Variants in SLC5A11 observed in about 807,000 individuals in gnomAD.
The protein encoded by SLC5A11 is solute carrier family 5 member 11.
Under a neutral mutation model 69.8 loss-of-function variants are expected in SLC5A11, and 48 were observed. The observed-to-expected ratio is 0.69, with a 90% CI of 0.55 to 0.87. SLC5A11 has a LOEUF of 0.87. Among genes scored for constraint, SLC5A11 ranks in the 40% least tolerant of loss-of-function variants. The pLI is 0.00. For missense variants in SLC5A11, 784 were observed against 866.1 expected, an observed-to-expected ratio of 0.91 and a Z score of 1.19; for synonymous variants, 319 against 342.4, an observed-to-expected ratio of 0.93 and a Z score of 0.75.
chr16:24,886,340 A>C (rs1192269002), intron 8 of SLC5A11, among the ~76,000 whole-genome samples: 2 of 152,136 alleles, frequency 1.3e-5, no homozygotes, highest in African/African-American at 2.4e-5. Context: ...GCTGAAAACA[A>C]ACAGGAGTTC....
rs374494935 is a variant in SLC5A11 at position 24,850,032 on chromosome 16, G to A, written c.-25+3594G>A. Among the ~76,000 whole-genome samples, 97 of 152,012 alleles carry A rather than the reference G, an allele frequency of 6.4e-4. 2 individuals are homozygous for A. The East Asian group carries it at 0.016, about 25-fold the overall frequency. On this transcript the variant is annotated intron_variant, in intron 1 of 15. Coordinates refer to ENST00000347898, the Ensembl canonical transcript of SLC5A11. ...AGCTCACTACATCCTCAACCTCTTG[G>A]GCTTAAACAATCCTTCTGCCTCAGC...
chr16:24,881,859 A>G (rs2048068385), intron 7 of SLC5A11, among the ~76,000 whole-genome samples: 2 of 152,140 alleles, frequency 1.3e-5, no homozygotes, highest in African/African-American at 2.4e-5. Context: ...TAAGAGTGGG[A>G]TTGGAGAAAA....
chr16:24,877,033 A>G (rs1041533742), intron 6 of SLC5A11: 2 of 1,346,172 alleles, frequency 1.5e-6, no homozygotes, highest in Non-Finnish European at 1.9e-6. Context: ...CAAAAGCAGA[A>G]GCAGGAAGAC....
exon 14 of SLC5A11, chr16:24,909,003 T>C: frequency 6.2e-7 from 1 of 1,614,130 alleles, no homozygotes; most frequent in Non-Finnish European, 8.5e-7. Context: ...TGAAGAGCAT[T>C]CACTACCTCT....
chr16:24,868,028 T>G (rs2047021592), intron 3 of SLC5A11, among the ~76,000 whole-genome samples: 1 of 151,212 alleles, frequency 6.6e-6, no homozygotes, highest in Admixed American at 6.6e-5. Flanking sequence ...TCCCGGCTAC[T>G]CAGGAGGCTG....
intron 1 of SLC5A11, among the ~76,000 whole-genome samples, chr16:24,857,018 C>T (rs1034311136): frequency 1.8e-4 from 27 of 152,106 alleles, no homozygotes; most frequent in Non-Finnish European, 5.9e-5. Context: ...ACGGGGTCCA[C>T]CACGTTGCCC....
At chr16:24,896,942 C>CTTTTTTT (rs869210839) in intron 9 of SLC5A11, among the ~76,000 whole-genome samples, 2 of 97,092 alleles carry the variant, frequency 2.1e-5, no homozygotes, top group African/African-American at 5.0e-5. Context: ...AACCTCCTTC[C>CTTTTTTT]TTTTTTTTTT....
intron 9 of SLC5A11, among the ~76,000 whole-genome samples, chr16:24,893,137 A>T (rs1052605243): frequency 7.8e-6 from 1 of 127,804 alleles, no homozygotes; most frequent in Admixed American, 8.2e-5. Flanking sequence ...AAAAAAAAAA[A>T]AAAAGCCAGG....
intron 8 of SLC5A11, among the ~76,000 whole-genome samples, chr16:24,885,564 C>G (rs2152346026): frequency 6.9e-6 from 1 of 144,684 alleles, no homozygotes; most frequent in African/African-American, 2.6e-5. Context: ...GGGAGGATGG[C>G]TTGAGCCTGG....
chr16:24,851,501 C>T (rs1462497865), intron 1 of SLC5A11, among the ~76,000 whole-genome samples: 1 of 152,020 alleles, frequency 6.6e-6, no homozygotes, highest in Non-Finnish European at 1.5e-5. Context: ...GCCAAGATTG[C>T]ACCACTGCAC....
intron 10 of SLC5A11, 34 bp downstream of exon 11, chr16:24,898,143 A>G (rs1484387413): frequency 1.9e-6 from 3 of 1,609,486 alleles, no homozygotes; most frequent in East Asian, 4.5e-5. Context: ...GGTCATTGGT[A>G]TGTGAGTCTC....
intron 9 of SLC5A11, among the ~76,000 whole-genome samples, chr16:24,893,980 C>T (rs144764095): frequency 9.8e-5 from 15 of 152,312 alleles, no homozygotes; most frequent in African/African-American, 3.4e-4. Context: ...TCTCTGGTTT[C>T]ATCTAACAAT....
At chr16:24,854,969 GTGTGTT>G in intron 1 of SLC5A11, among the ~76,000 whole-genome samples, 1 of 152,036 alleles carries the variant, frequency 6.6e-6, no homozygotes. Context: ...GTGTGTGTGT[GTGTGTT>G]TGTTTGTTTG....
rs1019450644 is a variant in SLC5A11, at chr16:24,900,127, C to T, written c.1006+2018C>T. On this transcript the variant is annotated intron_variant, in intron 10 of 15. Transcript: ENST00000347898. ...GGGGATAAATGATACCGAGGAGGGGCAATGTCACCAGAAGACACTGTGGTG... is the reference window on the plus strand; with the variant it reads ...GGGGATAAATGATACCGAGGAGGGGTAATGTCACCAGAAGACACTGTGGTG... 3.3e-5 allele frequency among the ~76,000 whole-genome samples: 5 copies of T among 152,140 alleles called. No individual in the cohort carries two copies. The South Asian group carries it at 1.0e-3, about 32-fold the overall frequency.
rs148469912 is a variant in SLC5A11, at chr16:24,904,853, T to A, written c.1007-1804T>A. On this transcript the variant is annotated intron_variant, in intron 10 of 15. Transcript: ENST00000347898. ...TTGTTACATAGGTATACATGTGCCA[T>A]GGTGGTTTGCTGCACCAATCAACCT... Among the ~76,000 whole-genome samples the A allele has an allele frequency of 9.9e-4, 150 of 152,270 alleles. 2 individuals are homozygous for A. The highest frequency in any genetic ancestry group is 3.6e-3 in the African/African-American group (149 of 41,566).
At chr16:24,908,790 C>T in intron 13 of SLC5A11, 91 bp from the exon 15 acceptor site, 1 of 1,266,692 alleles carries the variant, frequency 7.9e-7, no homozygotes, top group Non-Finnish European at 1.1e-6. Flanking sequence ...GTGACCACCA[C>T]AAGAAAGACA....
intron 7 of SLC5A11, among the ~76,000 whole-genome samples, chr16:24,880,329 C>T (rs967191213): frequency 1.3e-5 from 2 of 152,062 alleles, no homozygotes; most frequent in African/African-American, 4.8e-5. Context: ...GGAGGTGCTA[C>T]ACACTTTTTT....
At chr16:24,856,911 C>T (rs896479076) in intron 1 of SLC5A11, among the ~76,000 whole-genome samples, 2 of 152,220 alleles carry the variant, frequency 1.3e-5, no homozygotes, top group East Asian at 1.9e-4. Flanking sequence ...ACCTCCACCT[C>T]CCAGATTCAA....
At chr16:24,849,591 AAAATATATATATATATAT>A (rs1369733184) in intron 1 of SLC5A11, among the ~76,000 whole-genome samples, 13 of 57,498 alleles carry the variant, frequency 2.3e-4, no homozygotes, top group Non-Finnish European at 4.7e-4. Flanking sequence ...AAAAAAAAAA[AAAATATATATATATATAT>A]ATATATATAT....
Sources: allele counts gnomAD v4.1 joint callset (sites outside exome capture counted in the v4.1 genomes callset), GRCh38; gene constraint gnomAD v4.1.1; transcripts MANE v1.5; gene names NCBI Gene and HGNC (gene_info 2026-07-23, HGNC 2026-07-21).